The following ATXN10 variants were observed in gnomAD, a reference collection of about 807,000 sequenced individuals.
ATXN10 encodes the protein ataxin 10, also known as ataxin-10.
Under a neutral mutation model 52.9 loss-of-function variants are expected in ATXN10, and 28 were observed. That is an observed-to-expected ratio of 0.53 (90% confidence interval 0.39 to 0.73). The LOEUF (loss-of-function observed/expected upper bound fraction) is 0.73. Among genes scored for constraint, ATXN10 ranks in the 30% least tolerant of loss-of-function variants. The probability of loss-of-function intolerance (pLI) is 0.00; values close to 1 mark genes in which losing one functional copy is unlikely to be tolerated. For synonymous variants in ATXN10, 226 were observed against 221.5 expected (o/e 1.02, Z -0.18); for missense variants, 565 against 577.0 (o/e 0.98, Z 0.21).
In ATXN10 at chr22:45,740,534, A is replaced by G. The variant is rs750185647; in HGVS notation, c.1169A>G (p.Asp390Gly). Residue 390 changes from aspartate (D) to glycine (G), a missense_variant, in exon 9 of 12, where the codon GAC becomes GGC. Asp to Gly is a moderately conservative substitution (Grantham distance 94). Coordinates refer to ENST00000252934, the MANE Select transcript of ATXN10 (RefSeq NM_013236.4). ...TGTTACAAGAATAAAGATAACCAAGACAAGGTAAGAGGATTTCTTAGTATG... is the reference window on the plus strand; with the variant it reads ...TGTTACAAGAATAAAGATAACCAAGGCAAGGTAAGAGGATTTCTTAGTATG... ...NLCYKNKDNQ[D>G]KVNELDGIPL... 6.2e-7 allele frequency: 1 copy of G among 1,613,716 alleles called. No homozygotes were observed. Among genetic ancestry groups the G allele is most frequent in the Admixed American group, 1.7e-5 (1 of 60,008 alleles).
chr22:45,785,532 C>G (rs1186201229), intron 9 of ATXN10, among the ~76,000 whole-genome samples: 3 of 152,322 alleles, frequency 2.0e-5, no homozygotes, highest in South Asian at 4.1e-4. Flanking sequence ...TGAGCACTTT[C>G]TAGAAGCCAG....
At chr22:45,673,827 G>A (rs1922572951) in intron 1 of ATXN10, 1 of 152,070 alleles carries the variant, frequency 6.6e-6, no homozygotes, top group Non-Finnish European at 1.5e-5. Context: ...TCTGCAAAGG[G>A]GCCATATGTT....
At position 45,841,547 on chromosome 22, in the gene ATXN10, G is replaced by A. The variant is rs1351765944; in HGVS notation, c.1238-1444G>A. On this transcript the variant is annotated intron_variant, in intron 10 of 11. Coordinates refer to ENST00000252934, the MANE Select transcript of ATXN10 (RefSeq NM_013236.4). This position sits in a 1 kb window ranked among gnomAD's most constrained non-coding sequence, Gnocchi z 5.1. ...TGAGTAGGGAAGCAGAGAGGACCCT[G>A]GGCCAGCTCACCCGGTGTGTATTGG... is the stretch of plus-strand genomic sequence containing the variant. 6.6e-6 allele frequency among the ~76,000 whole-genome samples: 1 copy of A among 152,172 alleles called. No individual in the cohort carries two copies. Among genetic ancestry groups the A allele is most frequent in the African/African-American group, 2.4e-5 (1 of 41,456 alleles).
At chr22:45,812,419 G>A (rs1601661842) in intron 10 of ATXN10, among the ~76,000 whole-genome samples, 1 of 152,250 alleles carries the variant, frequency 6.6e-6, no homozygotes, top group Non-Finnish European at 1.5e-5. Context: ...AATGAGCAAA[G>A]AGCAGCTTGG....
chr22:45,743,022 A>G (rs547628746), intron 9 of ATXN10, among the ~76,000 whole-genome samples: 38 of 152,360 alleles, frequency 2.5e-4, no homozygotes, highest in African/African-American at 8.7e-4. Context: ...TAACCCTTAA[A>G]AGGCTTGCGA....
rs1364554521 is a variant in ATXN10, at chr22:45,789,619, C to T, written c.1174-17340C>T. 6.6e-6 allele frequency among the ~76,000 whole-genome samples: 1 copy of T among 152,206 alleles called. No homozygotes were observed. The highest frequency in any genetic ancestry group is 1.5e-5 in the Non-Finnish European group (1 of 68,038). On this transcript the variant is annotated intron_variant, in intron 9 of 11. Coordinates refer to ENST00000252934, the MANE Select transcript of ATXN10 (RefSeq NM_013236.4). This position sits in a 1 kb window ranked among gnomAD's most constrained non-coding sequence, Gnocchi z 4.0. Reference sequence around the variant, plus strand: ...GGGGTTAGTATGTTAATACAGCTCTCTCCACGACAAGAAGAAGAGAGGGAG... The same window carrying T: ...GGGGTTAGTATGTTAATACAGCTCTTTCCACGACAAGAAGAAGAGAGGGAG...
intron 1 of ATXN10, chr22:45,673,580 C>A (rs1412184140): frequency 6.6e-6 from 1 of 152,166 alleles, no homozygotes; most frequent in Non-Finnish European, 1.5e-5. Context: ...TGAGCACCTA[C>A]TATGAAACAG....
At chr22:45,738,925 A>G in intron 8 of ATXN10, 86 bp downstream of exon 8, 18 of 1,207,648 alleles carry the variant, frequency 1.5e-5, no homozygotes, top group Non-Finnish European at 2.0e-5. Context: ...CAAATCCTTA[A>G]TTTTCAGTGT....
chr22:45,725,048 G>A (rs1192251483), intron 6 of ATXN10, among the ~76,000 whole-genome samples: 1 of 152,100 alleles, frequency 6.6e-6, no homozygotes, highest in Non-Finnish European at 1.5e-5. Flanking sequence ...TCCTGTTTTG[G>A]TTACTATAGA....
Position 45,692,878 on chromosome 22 carries a change from A to C in ATXN10, c.309-118A>C. On this transcript the variant is annotated intron_variant, in intron 2 of 11. Transcript: ENST00000252934. ...CCTGTAAAGAGCCAGATAATAAATA[A>C]TTTAGGCTTTGTAATCTCTGTCAGA... 3.6e-6 allele frequency: 3 copies of C among 827,674 alleles called. No individual in the cohort carries two copies. In the South Asian group the frequency reaches 4.3e-5, roughly 12 times the overall value. The allele number at this position is 827,674 out of a possible 1,614,324, so 51.3% of individuals were successfully genotyped here. A position where few individuals can be genotyped will look rare whatever the true frequency, so the allele number is the denominator to read the frequency against.
intron 10 of ATXN10, among the ~76,000 whole-genome samples, chr22:45,822,083 A>G (rs535676523): frequency 6.6e-6 from 1 of 152,360 alleles, no homozygotes; most frequent in Non-Finnish European, 1.5e-5. Flanking sequence ...AAACGGAATC[A>G]TAGCCTGCAT....
At chr22:45,726,492 G>GT (rs1924877244) in intron 6 of ATXN10, among the ~76,000 whole-genome samples, 1 of 152,024 alleles carries the variant, frequency 6.6e-6, no homozygotes, top group Non-Finnish European at 1.5e-5. Flanking sequence ...TATTTCTGTG[G>GT]TGCCAGCCAT....
rs374054217 is a variant in ATXN10, at chr22:45,842,343, A to C, written c.1238-648A>C. ...GGTCTCCTGCCAAGCGGAACGTGCCAGGTGAACACTTGGGCACAGTGAGCC... is the reference window on the plus strand; with the variant it reads ...GGTCTCCTGCCAAGCGGAACGTGCCCGGTGAACACTTGGGCACAGTGAGCC... On this transcript the variant is annotated intron_variant, in intron 10 of 11. Transcript: ENST00000252934. The surrounding 1 kb of genome is among the most constrained non-coding windows in gnomAD (Gnocchi z 4.8). 1.3e-5 allele frequency among the ~76,000 whole-genome samples: 2 copies of C among 152,238 alleles called. No individual in the cohort carries two copies. The highest frequency in any genetic ancestry group is 2.1e-4 in the South Asian group (1 of 4,830).
In ATXN10 at chr22:45,702,800, A is replaced by G. The variant is rs1288702958; in HGVS notation, c.600A>G (p.Ala200=). 3.7e-6 allele frequency: 6 copies of G among 1,613,896 alleles called. 1 individual carries two copies. The highest frequency in any genetic ancestry group is 2.7e-5 in the African/African-American group (2 of 74,932). The change falls in exon 5 of 12, where the codon GCA becomes GCG. Residue 200 remains alanine, a synonymous_variant. Coordinates refer to ENST00000252934, the MANE Select transcript of ATXN10 (RefSeq NM_013236.4). Reference sequence around the variant, plus strand: ...AACTGGAGGAGAACCTCAATATTGCAATTGATGTCATAGATGCTTACCAAA... The same window carrying G: ...AACTGGAGGAGAACCTCAATATTGCGATTGATGTCATAGATGCTTACCAAA... ...MKELEENLNI[A]IDVIDAYQKH... is the part of the protein sequence containing the mutation.
chr22:45,799,769 AT>A (rs1453757529), intron 9 of ATXN10, among the ~76,000 whole-genome samples: 2 of 152,238 alleles, frequency 1.3e-5, no homozygotes, highest in Non-Finnish European at 2.9e-5. Flanking sequence ...TGCCAAAACA[AT>A]TTTGAAAACA....
chr22:45,762,285 T>C lies in ATXN10; in HGVS notation c.1173+21747T>C, dbSNP rs1926421891. Among the ~76,000 whole-genome samples, 1 of 152,218 alleles carries C rather than the reference T, an allele frequency of 6.6e-6. No homozygotes were observed. The highest frequency in any genetic ancestry group is 1.5e-5 in the Non-Finnish European group (1 of 68,038). Reference sequence around the variant, plus strand: ...GGAGGCGCAGGGACCTCGGCTTATTTTTCTCTGTCTTTGCATTGCTTGACA... The same window carrying C: ...GGAGGCGCAGGGACCTCGGCTTATTCTTCTCTGTCTTTGCATTGCTTGACA... On this transcript the variant is annotated intron_variant, in intron 9 of 11. Coordinates refer to ENST00000252934, the MANE Select transcript of ATXN10 (RefSeq NM_013236.4). The surrounding 1 kb of genome is among the most constrained non-coding windows in gnomAD (Gnocchi z 4.3).
At chr22:45,791,668 T>C (rs1169484422) in intron 9 of ATXN10, among the ~76,000 whole-genome samples, 1 of 152,226 alleles carries the variant, frequency 6.6e-6, no homozygotes, top group Non-Finnish European at 1.5e-5. Context: ...TTTGATTTAG[T>C]TATGCTAATA....
At position 45,820,720 on chromosome 22, in the gene ATXN10, C is replaced by T. The variant is rs1928617939; in HGVS notation, c.1237+13698C>T. Among the ~76,000 whole-genome samples, 1 of 152,148 alleles carries T rather than the reference C, an allele frequency of 6.6e-6. No homozygotes were observed. The highest frequency in any genetic ancestry group is 2.1e-4 in the South Asian group (1 of 4,822). ...GAGAAAAGATGTTGGACCCCGTGGCCGCAGGCATTGCCAGGGTGGTTTGCT... is the reference window on the plus strand; with the variant it reads ...GAGAAAAGATGTTGGACCCCGTGGCTGCAGGCATTGCCAGGGTGGTTTGCT... On this transcript the variant is annotated intron_variant, in intron 10 of 11. Coordinates refer to ENST00000252934, the MANE Select transcript of ATXN10 (RefSeq NM_013236.4). The surrounding 1 kb of genome is among the most constrained non-coding windows in gnomAD (Gnocchi z 4.9).
Position 45,770,847 on chromosome 22 carries a change from C to T in ATXN10, c.1173+30309C>T, listed in dbSNP as rs1361815279. On this transcript the variant is annotated intron_variant, in intron 9 of 11. Transcript: ENST00000252934. This position sits in a 1 kb window ranked among gnomAD's most constrained non-coding sequence, Gnocchi z 4.5. ...ATTTGGTCCCATGGCCTGGGAATAC[C>T]CCCAAATTCCCTCCCTGATCCCTGA... Among the ~76,000 whole-genome samples, 1 of 152,148 alleles carries T rather than the reference C, an allele frequency of 6.6e-6. No homozygotes were observed. Among genetic ancestry groups the T allele is most frequent in the East Asian group, 1.9e-4 (1 of 5,190 alleles).
Sources: allele counts gnomAD v4.1 joint callset (sites outside exome capture counted in the v4.1 genomes callset), GRCh38; gene constraint gnomAD v4.1.1; non-coding constraint Gnocchi (gnomAD v3.1); transcripts MANE v1.5; gene names NCBI Gene and HGNC (gene_info 2026-07-23, HGNC 2026-07-21).